Variants in RNF144B observed in about 807,000 individuals in gnomAD.
RNF144B encodes E3 ubiquitin-protein ligase RNF144B.
Under a neutral mutation model 40.2 loss-of-function variants are expected in RNF144B, and 25 were observed. The observed-to-expected ratio is 0.62, with a 90% CI of 0.45 to 0.87. The LOEUF is 0.87. Ranked by LOEUF, RNF144B falls within the 40% of genes least tolerant of loss-of-function variation. The pLI is 0.00. For synonymous variants in RNF144B, 145 were observed against 136.3 expected (o/e 1.06, Z -0.44); for missense variants, 365 against 373.7 (o/e 0.98, Z 0.19).
In RNF144B at chr6:18,388,903, G is replaced by T. The variant is rs1469322607; in HGVS notation, c.-37+1273G>T. Among the ~76,000 whole-genome samples, 3 of 151,346 alleles carry T rather than the reference G, an allele frequency of 2.0e-5. No homozygotes were observed. In the East Asian group the frequency reaches 5.8e-4, roughly 29 times the overall value. ...TAGTCTCTGACTAATTAATTATCTT[G>T]ATTAAAAAAAGGTAAACATATATAG... is the stretch of plus-strand genomic sequence containing the variant. On this transcript the variant is annotated intron_variant, in intron 1 of 7. Coordinates refer to ENST00000259939, the MANE Select transcript of RNF144B (RefSeq NM_182757.4).
At chr6:18,455,905 G>GT in intron 4 of RNF144B, among the ~76,000 whole-genome samples, 1 of 151,772 alleles carries the variant, frequency 6.6e-6, no homozygotes. Context: ...TTTTTTGTTT[G>GT]TTTTTTGTTT....
chr6:18,408,131 C>T (rs1794954055), intron 2 of RNF144B, among the ~76,000 whole-genome samples: 1 of 151,590 alleles, frequency 6.6e-6, no homozygotes, highest in African/African-American at 2.4e-5. Flanking sequence ...ATTATAGGTG[C>T]CTGTCACCAT....
intron 2 of RNF144B, among the ~76,000 whole-genome samples, chr6:18,403,818 AT>A: frequency 6.6e-6 from 1 of 152,220 alleles, no homozygotes; most frequent in Admixed American, 6.5e-5. Flanking sequence ...TGAAGGTCTC[AT>A]GCTAGGTCAA....
intron 4 of RNF144B, among the ~76,000 whole-genome samples, chr6:18,452,440 G>C (rs545286868): frequency 6.6e-6 from 1 of 152,122 alleles, no homozygotes; most frequent in Non-Finnish European, 1.5e-5. Flanking sequence ...TTAGGGGAGA[G>C]GAAAAGCATA....
intron 2 of RNF144B, among the ~76,000 whole-genome samples, chr6:18,423,822 C>G (rs1203517623): frequency 6.6e-6 from 1 of 152,188 alleles, no homozygotes; most frequent in Non-Finnish European, 1.5e-5. Context: ...TTTTACCAAA[C>G]TAAGTAAAAT....
chr6:18,403,179 C>T (rs1425981841), intron 2 of RNF144B, among the ~76,000 whole-genome samples: 4 of 152,166 alleles, frequency 2.6e-5, no homozygotes, highest in South Asian at 2.1e-4. Flanking sequence ...GTTTGCAATG[C>T]GTTCTTTCAG....
chr6:18,397,614 A>T (rs574834252), intron 1 of RNF144B, among the ~76,000 whole-genome samples: 3 of 152,324 alleles, frequency 2.0e-5, no homozygotes, highest in African/African-American at 7.2e-5. Context: ...CAGTCTAAAG[A>T]TGTCTTTTCC....
Position 18,446,153 on chromosome 6 carries a change from A to G in RNF144B, c.331+6409A>G, listed in dbSNP as rs1759076912. On this transcript the variant is annotated intron_variant, in intron 4 of 7. Coordinates refer to ENST00000259939, the MANE Select transcript of RNF144B (RefSeq NM_182757.4). The surrounding 1 kb of genome is among the most constrained non-coding windows in gnomAD (Gnocchi z 4.7). ...ATGCCAGGGCTGCTGATGTCTGATG[A>G]CTCTCTGCATTTTTTCTATTTCTAC... is the stretch of plus-strand genomic sequence containing the variant. Among the ~76,000 whole-genome samples the G allele has an allele frequency of 6.6e-6, 1 of 151,590 alleles. No homozygotes were observed. Among genetic ancestry groups the G allele is most frequent in the African/African-American group, 2.4e-5 (1 of 41,216 alleles).
intron 6 of RNF144B, among the ~76,000 whole-genome samples, chr6:18,462,579 T>C (rs1347691090): frequency 2.0e-5 from 3 of 152,088 alleles, no homozygotes; most frequent in Admixed American, 6.6e-5. Context: ...GTCCCCTTTC[T>C]CCATTTGTCT....
intron 4 of RNF144B, among the ~76,000 whole-genome samples, 193 bp downstream of exon 4, chr6:18,439,937 C>A (rs2113515293): frequency 6.6e-6 from 1 of 152,198 alleles, no homozygotes. Flanking sequence ...TGCAGACTAG[C>A]AGGAAACAGA....
intron 4 of RNF144B, among the ~76,000 whole-genome samples, chr6:18,452,518 T>G (rs891075135): frequency 2.0e-5 from 3 of 152,310 alleles, no homozygotes; most frequent in African/African-American, 7.2e-5. Context: ...TTCAGTATTA[T>G]AAAAAAGTAA....
rs1249654935 is a variant in RNF144B, at chr6:18,468,100, A to G, written c.*3033A>G. 6.6e-6 allele frequency: 1 copy of G among 152,050 alleles called. No individual in the cohort carries two copies. The highest frequency in any genetic ancestry group is 1.5e-5 in the Non-Finnish European group (1 of 68,036). 9.4% of individuals were successfully genotyped at this position (152,050 alleles called of 1,614,324 possible). ...GTATTGAGAGGAAGTGTGGGTCTAC[A>G]TAGGGATGTTTGGATGCTATGGCAA... On this transcript the variant is annotated 3_prime_UTR_variant, in exon 8 of 8. Coordinates refer to ENST00000259939, the MANE Select transcript of RNF144B (RefSeq NM_182757.4).
At chr6:18,411,462 C>CATATATATATATAT (rs767477071) in intron 2 of RNF144B, among the ~76,000 whole-genome samples, 1 of 59,364 alleles carries the variant, frequency 1.7e-5, no homozygotes, top group Non-Finnish European at 2.8e-5. Flanking sequence ...GTGCATGATT[C>CATATATATATATAT]ATATATATAT....
chr6:18,394,399 A>T (rs1157946103), intron 1 of RNF144B, among the ~76,000 whole-genome samples: 2 of 152,180 alleles, frequency 1.3e-5, no homozygotes, highest in East Asian at 3.9e-4. Context: ...GGAGTTCAAG[A>T]CCAGCCTGGT....
intron 3 of RNF144B, among the ~76,000 whole-genome samples, chr6:18,428,268 C>A (rs1216450075): frequency 6.6e-6 from 1 of 152,122 alleles, no homozygotes; most frequent in Non-Finnish European, 1.5e-5. Context: ...ATTAAATACC[C>A]AGTCTTGGGT....
At chr6:18,417,751 A>T (rs544379317) in intron 2 of RNF144B, among the ~76,000 whole-genome samples, 9 of 152,328 alleles carry the variant, frequency 5.9e-5, no homozygotes, top group African/African-American at 2.2e-4. Flanking sequence ...CATCAAAATT[A>T]AAGACCTTTT....
intron 3 of RNF144B, among the ~76,000 whole-genome samples, chr6:18,433,676 C>G (rs9358166): frequency 6.6e-6 from 1 of 152,006 alleles, no homozygotes; most frequent in South Asian, 2.1e-4. Flanking sequence ...CAGTGGACTG[C>G]GAAGATCAGT....
intron 4 of RNF144B, among the ~76,000 whole-genome samples, chr6:18,454,859 A>G (rs1759293124): frequency 6.6e-6 from 1 of 152,236 alleles, no homozygotes; most frequent in Non-Finnish European, 1.5e-5. Flanking sequence ...TATGAGAACA[A>G]ATTGCATCCT....
Position 18,425,303 on chromosome 6 carries a change from T to C in RNF144B, c.166-2278T>C, listed in dbSNP as rs1417402226. Among the ~76,000 whole-genome samples, 1 of 152,138 alleles carries C rather than the reference T, an allele frequency of 6.6e-6. No homozygotes were observed. Among genetic ancestry groups the C allele is most frequent in the Non-Finnish European group, 1.5e-5 (1 of 68,036 alleles). On this transcript the variant is annotated intron_variant, in intron 2 of 7. Transcript: ENST00000259939. This position sits in a 1 kb window ranked among gnomAD's most constrained non-coding sequence, Gnocchi z 4.2. ...TTTCAGTCTTTTTACTTAAATTTCT[T>C]TAAGTGGCTGCTGGGGGTCAGTGGG... is the stretch of plus-strand genomic sequence containing the variant.
Sources: gnomAD v4.1 joint callset for allele counts (sites outside exome capture counted in the v4.1 genomes callset) on GRCh38, gnomAD v4.1.1 for gene constraint, Gnocchi (gnomAD v3.1) non-coding constraint, MANE v1.5 for transcripts, NCBI Gene and HGNC (gene_info 2026-07-23, HGNC 2026-07-21) for gene names.